KDM4C: variants seen among roughly 807,000 people sequenced by gnomAD.
The protein encoded by KDM4C is lysine demethylase 4C, also known as lysine-specific demethylase 4C.
In KDM4C, 81 loss-of-function variants were observed where a neutral mutation model predicts 129.3. The ratio of observed to expected loss-of-function variants is 0.63; its 90% CI spans 0.52 to 0.75. The LOEUF (loss-of-function observed/expected upper bound fraction) is 0.75, where lower values mean the gene tolerates loss of function less well. Among genes scored for constraint, KDM4C ranks in the 30% least tolerant of loss-of-function variants. KDM4C has a pLI of 0.00. For synonymous variants in KDM4C, 573 were observed against 456.1 expected (o/e 1.26, Z -3.26); for missense variants, 1,457 against 1,304.0 (o/e 1.12, Z -1.81).
intron 1 of KDM4C, among the ~76,000 whole-genome samples, chr9:6,790,739 A>G (rs948291611): frequency 4.0e-5 from 6 of 149,956 alleles, no homozygotes; most frequent in Admixed American, 6.7e-5. Flanking sequence ...GCCAGGTCCT[A>G]ATGGATTTAG....
intron 8 of KDM4C, among the ~76,000 whole-genome samples, chr9:6,926,265 G>T (rs1225898102): frequency 6.8e-6 from 1 of 146,122 alleles, no homozygotes; most frequent in Non-Finnish European, 1.5e-5. Context: ...GAAAAATAAT[G>T]TAAGAATTAA....
In KDM4C at chr9:6,793,278, C is replaced by A. The variant is rs1216593812; in HGVS notation, c.144+146C>A. On this transcript the variant is annotated intron_variant, in intron 2 of 21. Coordinates refer to ENST00000381309, the MANE Select transcript of KDM4C (RefSeq NM_015061.6). ...TTAATCCATGTGAAACATTTGATTT[C>A]TTCAAATAGTAATTGTCTTATTTTT... 4.1e-6 allele frequency: 3 copies of A among 739,938 alleles called. No individual in the cohort carries two copies. The African/African-American group carries it at 5.3e-5, about 13-fold the overall frequency. 45.8% of individuals were successfully genotyped at this position (739,938 alleles called of 1,614,324 possible).
chr9:6,915,648 T>A (rs1409454576), intron 8 of KDM4C, among the ~76,000 whole-genome samples: 1 of 152,222 alleles, frequency 6.6e-6, no homozygotes, highest in African/African-American at 2.4e-5. Context: ...ATAAAGAGAC[T>A]GCTTTTGTTT....
chr9:7,145,961 AAC>A (rs1356729972), intron 19 of KDM4C, among the ~76,000 whole-genome samples: 1 of 152,232 alleles, frequency 6.6e-6, no homozygotes, highest in Non-Finnish European at 1.5e-5. Flanking sequence ...CAGGTGTGGA[AAC>A]ACAGTGCCCC....
At chr9:6,996,462 A>G (rs985114651) in intron 12 of KDM4C, among the ~76,000 whole-genome samples, 9 of 152,244 alleles carry the variant, frequency 5.9e-5, no homozygotes, top group African/African-American at 2.2e-4. Flanking sequence ...AAAAATGGAA[A>G]AATTGTTTTC....
intron 17 of KDM4C, chr9:7,076,716 A>T: frequency 1.6e-6 from 2 of 1,228,124 alleles, no homozygotes; most frequent in Non-Finnish European, 2.0e-6. Context: ...TCATTTGTTG[A>T]CTTCCTATGT....
chr9:6,779,957 A>G (rs1336117150), intron 1 of KDM4C, among the ~76,000 whole-genome samples: 4 of 152,152 alleles, frequency 2.6e-5, no homozygotes, highest in African/African-American at 4.8e-5. Context: ...ACTGAATGCA[A>G]TTACTAATTG....
At chr9:6,801,180 C>G (rs560660703) in intron 2 of KDM4C, among the ~76,000 whole-genome samples, 2 of 142,446 alleles carry the variant, frequency 1.4e-5, no homozygotes, top group African/African-American at 2.6e-5. Flanking sequence ...ATGTGAAAGA[C>G]AAGACTTTAA....
chr9:7,011,455 G>A (rs529309545), intron 12 of KDM4C, among the ~76,000 whole-genome samples: 1 of 152,266 alleles, frequency 6.6e-6, no homozygotes, highest in South Asian at 2.1e-4. Flanking sequence ...TAGGGATAGG[G>A]AGGGTTACAA....
intron 17 of KDM4C, among the ~76,000 whole-genome samples, chr9:7,069,941 A>G (rs1452137497): frequency 6.6e-6 from 1 of 152,242 alleles, no homozygotes; most frequent in Admixed American, 6.5e-5. Context: ...ATTGGGTATT[A>G]TAAAGTGTAG....
At chr9:7,058,188 TG>T (rs1831134897) in intron 17 of KDM4C, among the ~76,000 whole-genome samples, 1 of 152,212 alleles carries the variant, frequency 6.6e-6, no homozygotes, top group African/African-American at 2.4e-5. Context: ...TGGTGTCTTT[TG>T]GCTGAGCCAT....
intron 17 of KDM4C, among the ~76,000 whole-genome samples, chr9:7,098,052 G>C (rs375193689): frequency 6.6e-6 from 1 of 152,244 alleles, no homozygotes; most frequent in East Asian, 1.9e-4. Flanking sequence ...AACAAAGTAT[G>C]ACTGTGCTGT....
chr9:7,104,027 T>C, intron 18 of KDM4C, 157 bp downstream of exon 18: 3 of 645,164 alleles, frequency 4.6e-6, no homozygotes, highest in Middle Eastern at 8.6e-4. Flanking sequence ...TGCGCACTGT[T>C]ATTTCCTGGT....
chr9:6,841,658 A>G (rs1331168171), intron 4 of KDM4C, among the ~76,000 whole-genome samples: 1 of 152,184 alleles, frequency 6.6e-6, no homozygotes, highest in Non-Finnish European at 1.5e-5. Context: ...TTCAGTAATC[A>G]TCCAGGGCTG....
intron 8 of KDM4C, among the ~76,000 whole-genome samples, chr9:6,913,380 T>C (rs1167853357): frequency 2.6e-5 from 4 of 152,234 alleles, no homozygotes; most frequent in Admixed American, 2.0e-4. Flanking sequence ...TGTGATGTAG[T>C]GCAACATTTA....
intron 19 of KDM4C, among the ~76,000 whole-genome samples, chr9:7,138,103 ATG>A (rs1225014725): frequency 1.3e-5 from 2 of 152,254 alleles, no homozygotes; most frequent in Non-Finnish European, 2.9e-5. Flanking sequence ...AGGTCAGAGT[ATG>A]TGGGCAAATG....
At chr9:6,807,454 C>T (rs1292169822) in intron 3 of KDM4C, among the ~76,000 whole-genome samples, 1 of 145,412 alleles carries the variant, frequency 6.9e-6, no homozygotes, top group Non-Finnish European at 1.5e-5. Context: ...TCTTCCCAGC[C>T]GCCATCACAT....
intron 19 of KDM4C, among the ~76,000 whole-genome samples, chr9:7,157,142 T>G (rs1361408702): frequency 6.6e-6 from 1 of 152,236 alleles, no homozygotes; most frequent in Non-Finnish European, 1.5e-5. Flanking sequence ...ACCCATGATT[T>G]GGCTCTCTGT....
upstream of KDM4C, chr9:6,757,746 C>T: frequency 1.0e-6 from 1 of 985,652 alleles, no homozygotes; most frequent in Non-Finnish European, 1.2e-6. Context: ...TTCTGTGCAC[C>T]TGTTTTCTCC....
Sources: gnomAD v4.1 joint callset for allele counts (sites outside exome capture counted in the v4.1 genomes callset) on GRCh38, gnomAD v4.1.1 for gene constraint, MANE v1.5 for transcripts, NCBI Gene and HGNC (gene_info 2026-07-23, HGNC 2026-07-21) for gene names.